Variants in SUSD6 observed in about 807,000 individuals in gnomAD.
SUSD6 encodes the protein sushi domain-containing protein 6.
In SUSD6, 16 loss-of-function variants were observed where a neutral mutation model predicts 28.4. That is an observed-to-expected ratio of 0.56 (90% confidence interval 0.38 to 0.86). The LOEUF is 0.86. Among genes scored for constraint, SUSD6 ranks in the 40% least tolerant of loss-of-function variants. The pLI, the probability that SUSD6 is intolerant of heterozygous loss-of-function variation, is 0.00. For synonymous variants in SUSD6, 147 were observed against 159.6 expected, an observed-to-expected ratio of 0.92 and a Z score of 0.59; for missense variants, 341 against 384.2, an observed-to-expected ratio of 0.89 and a Z score of 0.94.
At chr14:69,669,513 GC>G in intron 2 of SUSD6, among the ~76,000 whole-genome samples, 1 of 152,320 alleles carries the variant, frequency 6.6e-6, no homozygotes, top group South Asian at 2.1e-4. Context: ...GCATGAGAGT[GC>G]CACTTGGGTG....
chr14:69,626,147 G>A (rs983940453), intron 1 of SUSD6, among the ~76,000 whole-genome samples: 1 of 152,184 alleles, frequency 6.6e-6, no homozygotes, highest in African/African-American at 2.4e-5. Flanking sequence ...TTTCTGCCTA[G>A]TACGGTTTCC....
At chr14:69,710,748 T>C (rs953498565) in intron 5 of SUSD6, among the ~76,000 whole-genome samples, 2 of 152,146 alleles carry the variant, frequency 1.3e-5, no homozygotes, top group African/African-American at 4.8e-5. Flanking sequence ...TTGAGTTTTT[T>C]TCACATAGGC....
chr14:69,664,462 C>G (rs1435412530), intron 2 of SUSD6, among the ~76,000 whole-genome samples: 2 of 152,146 alleles, frequency 1.3e-5, no homozygotes, highest in East Asian at 3.9e-4. Context: ...AGCTGCAAAC[C>G]CTGTTGATGA....
At position 69,689,673 on chromosome 14, in the gene SUSD6, T is replaced by C. The variant is rs942579850; in HGVS notation, c.122-13722T>C. Among the ~76,000 whole-genome samples, 8 of 152,274 alleles carry C rather than the reference T, an allele frequency of 5.3e-5. No individual in the cohort carries two copies. In the South Asian group the frequency reaches 6.2e-4, roughly 12 times the overall value. ...AACACTTGTAAATACTTTTAAAAATTTGTTTAATTTTTTGAGATGGAGTCT... is the reference window on the plus strand; with the variant it reads ...AACACTTGTAAATACTTTTAAAAATCTGTTTAATTTTTTGAGATGGAGTCT... On this transcript the variant is annotated intron_variant, in intron 2 of 5. Coordinates refer to ENST00000342745, the MANE Select transcript of SUSD6 (RefSeq NM_014734.4).
intron 2 of SUSD6, among the ~76,000 whole-genome samples, chr14:69,681,301 T>C (rs1487155810): frequency 6.6e-6 from 1 of 152,170 alleles, no homozygotes; most frequent in African/African-American, 2.4e-5. Context: ...GGGAAAAAAT[T>C]CTGGATGGTG....
intron 2 of SUSD6, among the ~76,000 whole-genome samples, chr14:69,698,414 CATGT>C (rs1163887158): frequency 6.6e-6 from 1 of 152,194 alleles, no homozygotes; most frequent in Non-Finnish European, 1.5e-5. Flanking sequence ...AGGCTGCATG[CATGT>C]CACACTGATC....
chr14:69,648,719 G>A (rs752962766), intron 1 of SUSD6, among the ~76,000 whole-genome samples: 2 of 152,084 alleles, frequency 1.3e-5, no homozygotes, highest in Non-Finnish European at 2.9e-5. Flanking sequence ...TCTAGGGTTT[G>A]CTATTTTTGA....
At chr14:69,624,941 G>A (rs1241361876) in intron 1 of SUSD6, among the ~76,000 whole-genome samples, 2 of 152,198 alleles carry the variant, frequency 1.3e-5, no homozygotes, top group Non-Finnish European at 2.9e-5. Flanking sequence ...CTATTGGCAT[G>A]TATAACTTGA....
chr14:69,711,030 C>G lies in SUSD6; in HGVS notation c.*51C>G. 6.3e-7 allele frequency: 1 copy of G among 1,597,332 alleles called. No homozygotes were observed. Among genetic ancestry groups the G allele is most frequent in the South Asian group, 1.1e-5 (1 of 90,724 alleles). ...GCGAGGTTCTCTCAGCCCTTCCTCC[C>G]TCTCCCTGTGGGATTGAGCACCCTG... is the stretch of plus-strand genomic sequence containing the variant. On this transcript the variant is annotated 3_prime_UTR_variant, in exon 6 of 6. Coordinates refer to ENST00000342745, the MANE Select transcript of SUSD6 (RefSeq NM_014734.4).
Position 69,714,443 on chromosome 14 carries a change from A to G in SUSD6, c.*3464A>G, listed in dbSNP as rs1013325471. On this transcript the variant is annotated 3_prime_UTR_variant, in exon 6 of 6. Transcript: ENST00000342745. ...TCTGCATCCTTACTCCTCACCCCCA[A>G]AGAAAAAAAAAAGGCCTAGCAGGGA... The G allele has an allele frequency of 6.6e-6, 1 of 152,060 alleles. No individual in the cohort carries two copies. Among genetic ancestry groups the G allele is most frequent in the African/African-American group, 2.4e-5 (1 of 41,408 alleles). The allele number at this position is 152,060 out of a possible 1,614,324, so 9.4% of individuals were successfully genotyped here. A position where few individuals can be genotyped will look rare whatever the true frequency, so the allele number is the denominator to read the frequency against.
chr14:69,646,948 G>T (rs1364161707), intron 1 of SUSD6, among the ~76,000 whole-genome samples: 1 of 152,068 alleles, frequency 6.6e-6, no homozygotes, highest in African/African-American at 2.4e-5. Flanking sequence ...TGATCCGCCC[G>T]CCTTGGCTTC....
chr14:69,693,915 T>C (rs1324228755), intron 2 of SUSD6, among the ~76,000 whole-genome samples: 1 of 152,246 alleles, frequency 6.6e-6, no homozygotes, highest in Non-Finnish European at 1.5e-5. Flanking sequence ...AATTGTACCC[T>C]GGAGAGGGAT....
intron 2 of SUSD6, among the ~76,000 whole-genome samples, chr14:69,674,926 A>G (rs969510506): frequency 6.6e-6 from 1 of 152,094 alleles, no homozygotes; most frequent in Non-Finnish European, 1.5e-5. Flanking sequence ...ATTAAAGTTG[A>G]TTTGATTCAT....
chr14:69,661,097 G>T (rs917508289), intron 2 of SUSD6, among the ~76,000 whole-genome samples: 1 of 152,286 alleles, frequency 6.6e-6, no homozygotes, highest in African/African-American at 2.4e-5. Context: ...ACAGCTAATG[G>T]TAGGGCCAGG....
intron 2 of SUSD6, among the ~76,000 whole-genome samples, chr14:69,677,092 G>T (rs1885921103): frequency 6.6e-6 from 1 of 152,194 alleles, no homozygotes; most frequent in Non-Finnish European, 1.5e-5. Context: ...ATGAAACCAA[G>T]GAGGAATGGG....
intron 2 of SUSD6, among the ~76,000 whole-genome samples, chr14:69,695,847 A>G (rs1351452538): frequency 5.3e-5 from 8 of 152,346 alleles, no homozygotes; most frequent in African/African-American, 1.4e-4. Context: ...AGTGAACACA[A>G]GCTGTTGTTA....
intron 2 of SUSD6, among the ~76,000 whole-genome samples, chr14:69,683,489 A>C (rs968669252): frequency 1.4e-4 from 22 of 152,176 alleles, no homozygotes; most frequent in African/African-American, 5.1e-4. Flanking sequence ...GAGAGCACTA[A>C]GATTGGGCCT....
At chr14:69,668,170 A>C (rs928102521) in intron 2 of SUSD6, among the ~76,000 whole-genome samples, 5 of 152,154 alleles carry the variant, frequency 3.3e-5, no homozygotes, top group African/African-American at 1.2e-4. Flanking sequence ...AGCACGTGAA[A>C]GTGTTTTCAT....
At chr14:69,667,927 G>C (rs2139620867) in intron 2 of SUSD6, among the ~76,000 whole-genome samples, 1 of 152,212 alleles carries the variant, frequency 6.6e-6, no homozygotes, top group East Asian at 1.9e-4. Context: ...TTGCTCCTTT[G>C]CTACAGCCAG....
Sources: gnomAD v4.1 joint callset for allele counts (sites outside exome capture counted in the v4.1 genomes callset) on GRCh38, gnomAD v4.1.1 for gene constraint, MANE v1.5 for transcripts, NCBI Gene and HGNC (gene_info 2026-07-23, HGNC 2026-07-21) for gene names.